The following MDFIC2 variants were observed in gnomAD, a reference collection of about 807,000 sequenced individuals.
MDFIC2 encodes MyoD family inhibitor domain containing 2.
intron 2 of MDFIC2, among the ~76,000 whole-genome samples, chr3:70,209,508 G>A (rs1051891279): frequency 6.6e-6 from 1 of 151,986 alleles, no homozygotes; most frequent in Non-Finnish European, 1.5e-5. Flanking sequence ...TTGAACAGAT[G>A]GGAAATGTAT....
intron 2 of MDFIC2, among the ~76,000 whole-genome samples, chr3:70,293,565 A>G (rs1702260426): frequency 6.6e-6 from 1 of 152,128 alleles, no homozygotes; most frequent in Non-Finnish European, 1.5e-5. Context: ...TGTGAAAATA[A>G]AACATCTGTG....
chr3:70,296,529 A>T (rs1414746413), intron 2 of MDFIC2, among the ~76,000 whole-genome samples: 1 of 152,184 alleles, frequency 6.6e-6, no homozygotes, highest in Admixed American at 6.5e-5. Context: ...TCATTTGGTT[A>T]CTTAATTCAC....
intron 2 of MDFIC2, among the ~76,000 whole-genome samples, chr3:70,258,427 C>T (rs1430447093): frequency 6.6e-6 from 1 of 150,876 alleles, no homozygotes. Context: ...TATGTATTTA[C>T]AGAGAGAGAG....
chr3:70,204,526 G>C (rs955578148), intron 3 of MDFIC2: 10 of 152,158 alleles, frequency 6.6e-5, no homozygotes, highest in Admixed American at 6.5e-5. Context: ...TTTCACACGG[G>C]AGGAAAAGGA....
intron 2 of MDFIC2, among the ~76,000 whole-genome samples, chr3:70,256,873 C>T (rs1383959950): frequency 6.6e-6 from 1 of 152,170 alleles, no homozygotes; most frequent in Non-Finnish European, 1.5e-5. Flanking sequence ...CTTAAATAAA[C>T]TTCTGTAGAT....
At chr3:70,308,941 A>G (rs999412195) in intron 2 of MDFIC2, among the ~76,000 whole-genome samples, 3 of 152,160 alleles carry the variant, frequency 2.0e-5, no homozygotes, top group Admixed American at 2.0e-4. Context: ...CCACATTTTA[A>G]CAGTGAGCAG....
intron 2 of MDFIC2, among the ~76,000 whole-genome samples, chr3:70,209,076 A>T (rs1701317415): frequency 6.6e-6 from 1 of 152,062 alleles, no homozygotes; most frequent in East Asian, 1.9e-4. Flanking sequence ...ATGGTGATGA[A>T]AATCATAATT....
chr3:70,206,451 G>A (rs1217344919), intron 3 of MDFIC2, 118 bp downstream of exon 3: 1 of 394,748 alleles, frequency 2.5e-6, no homozygotes, highest in Non-Finnish European at 4.5e-6. Context: ...TCAAATCGAA[G>A]TCTTCGTGTT....
chr3:70,274,167 C>T lies in MDFIC2; in HGVS notation c.88+37719G>A, dbSNP rs566576286. 2.7e-5 allele frequency among the ~76,000 whole-genome samples: 4 copies of T among 150,152 alleles called. No individual in the cohort carries two copies. In the East Asian group the frequency reaches 5.9e-4, roughly 22 times the overall value. On this transcript the variant is annotated intron_variant, in intron 2 of 3. Transcript: ENST00000567252. ...AATAATGTGAAATTATACTCTCATACATATGTGTAGGGGGTGGGGGATGTG... is the reference window on the plus strand; with the variant it reads ...AATAATGTGAAATTATACTCTCATATATATGTGTAGGGGGTGGGGGATGTG...
At chr3:70,219,677 T>A (rs984184925) in intron 2 of MDFIC2, among the ~76,000 whole-genome samples, 4 of 152,098 alleles carry the variant, frequency 2.6e-5, no homozygotes. Context: ...AATGACAGAA[T>A]TAAAATCTGC....
At chr3:70,253,043 G>A (rs1439919192) in intron 2 of MDFIC2, among the ~76,000 whole-genome samples, 2 of 151,954 alleles carry the variant, frequency 1.3e-5, no homozygotes, top group South Asian at 2.1e-4. Flanking sequence ...TCACACCATT[G>A]TACTCCAGCC....
At chr3:70,227,894 G>A (rs1701523653) in intron 2 of MDFIC2, among the ~76,000 whole-genome samples, 1 of 152,094 alleles carries the variant, frequency 6.6e-6, no homozygotes, top group African/African-American at 2.4e-5. Context: ...CCAGAAAAGA[G>A]CATGAGCTTT....
intron 2 of MDFIC2, among the ~76,000 whole-genome samples, chr3:70,282,834 C>A (rs1259520459): frequency 1.3e-5 from 2 of 152,056 alleles, no homozygotes; most frequent in Admixed American, 1.3e-4. Flanking sequence ...GAAGGATGAC[C>A]ATAGCAGTGC....
chr3:70,199,780 GTT>G (rs938103152), intron 3 of MDFIC2, among the ~76,000 whole-genome samples: 14 of 152,248 alleles, frequency 9.2e-5, no homozygotes, highest in African/African-American at 3.4e-4. Flanking sequence ...GTGCTTTAAT[GTT>G]TAATAAATGT....
chr3:70,289,543 G>T (rs1296924858), intron 2 of MDFIC2, among the ~76,000 whole-genome samples: 4 of 147,958 alleles, frequency 2.7e-5, no homozygotes, highest in African/African-American at 2.5e-5. Context: ...GTGTCTTGGA[G>T]TTGCTCTTCT....
chr3:70,287,252 G>T (rs868737274), intron 2 of MDFIC2, among the ~76,000 whole-genome samples: 2,968 of 139,798 alleles, frequency 0.021, 67 homozygotes, highest in Middle Eastern at 0.042. Flanking sequence ...AATTTATTGA[G>T]AGTTTTTAGC....
At chr3:70,254,261 A>G (rs1575607570) in intron 2 of MDFIC2, among the ~76,000 whole-genome samples, 1 of 152,338 alleles carries the variant, frequency 6.6e-6, no homozygotes, top group Non-Finnish European at 1.5e-5. Context: ...TGGATAAATT[A>G]AAGTCATATT....
intron 2 of MDFIC2, among the ~76,000 whole-genome samples, chr3:70,310,602 G>C (rs1702445271): frequency 6.6e-6 from 1 of 152,000 alleles, no homozygotes; most frequent in African/African-American, 2.4e-5. Flanking sequence ...CTGACCGCAA[G>C]TGATCCACCC....
At chr3:70,292,763 TAAAGA>T (rs1400556497) in intron 2 of MDFIC2, among the ~76,000 whole-genome samples, 1 of 152,020 alleles carries the variant, frequency 6.6e-6, no homozygotes, top group African/African-American at 2.4e-5. Context: ...TGTTTGCAGA[TAAAGA>T]AAAGAATTAT....
Sources: allele counts gnomAD v4.1 joint callset (sites outside exome capture counted in the v4.1 genomes callset), GRCh38; gene constraint gnomAD v4.1.1; transcripts MANE v1.5; gene names NCBI Gene and HGNC (gene_info 2026-07-23, HGNC 2026-07-21).